The following SHISA6 variants were observed in gnomAD, a reference collection of about 807,000 sequenced individuals.
SHISA6 encodes the protein protein shisa-6.
Under a neutral mutation model 47.9 loss-of-function variants are expected in SHISA6, and 22 were observed. The ratio of observed to expected loss-of-function variants is 0.46; its 90% confidence interval spans 0.33 to 0.66. The LOEUF is 0.66. Ranked by LOEUF, SHISA6 falls within the 30% of genes least tolerant of loss-of-function variation. The probability of loss-of-function intolerance (pLI) is 0.02; values close to 1 mark genes in which losing one functional copy is unlikely to be tolerated. For missense variants in SHISA6, 680 were observed against 764.6 expected (o/e 0.89, Z 1.30); for synonymous variants, 388 against 337.8 (o/e 1.15, Z -1.63).
chr17:11,536,023 G>T lies in SHISA6; in HGVS notation c.896-15873G>T, dbSNP rs185909187. On this transcript the variant is annotated intron_variant, in intron 3 of 5. Coordinates refer to ENST00000441885, the MANE Select transcript of SHISA6 (RefSeq NM_207386.4). ...ACAGATAGATAGATAGATATATATA[G>T]AGAGAGAAAGTGAGACAGAGTCTTT... Among the ~76,000 whole-genome samples the T allele has an allele frequency of 7.2e-3, 1,091 of 151,850 alleles. 3 individuals carry two copies. The highest frequency in any genetic ancestry group is 0.018 in the South Asian group (88 of 4,794).
chr17:11,456,569 A>G (rs1279139153), intron 3 of SHISA6, among the ~76,000 whole-genome samples: 2 of 152,144 alleles, frequency 1.3e-5, no homozygotes, highest in African/African-American at 4.8e-5. Context: ...GTTTTCACAC[A>G]TTTTGTTTTG....
chr17:11,396,770 A>G (rs945247108), intron 3 of SHISA6, among the ~76,000 whole-genome samples: 8 of 152,222 alleles, frequency 5.3e-5, no homozygotes, highest in African/African-American at 1.9e-4. Context: ...AAGGGAGAGC[A>G]TTAGGACAAA....
At chr17:11,323,346 A>C (rs1223393082) in intron 2 of SHISA6, among the ~76,000 whole-genome samples, 1 of 152,120 alleles carries the variant, frequency 6.6e-6, no homozygotes, top group Non-Finnish European at 1.5e-5. Context: ...CCTCATAACA[A>C]TCAAATACAT....
At chr17:11,301,736 A>T (rs542374955) in intron 2 of SHISA6, among the ~76,000 whole-genome samples, 1 of 152,326 alleles carries the variant, frequency 6.6e-6, no homozygotes, top group East Asian at 1.9e-4. Context: ...GCCGGTAGAA[A>T]GGATGGGAAT....
At chr17:11,263,673 TC>T in intron 2 of SHISA6, 147 bp downstream of exon 2, 2 of 1,025,958 alleles carry the variant, frequency 1.9e-6, no homozygotes, top group South Asian at 3.2e-5. Flanking sequence ...TTTTTGGGAC[TC>T]TCTCCCTGGG....
intron 3 of SHISA6, among the ~76,000 whole-genome samples, chr17:11,491,985 G>A (rs992827511): frequency 2.0e-5 from 3 of 152,030 alleles, no homozygotes; most frequent in Admixed American, 2.0e-4. Flanking sequence ...TGGTCAGGAT[G>A]GTCTCGATCT....
chr17:11,535,231 C>G (rs557860442), intron 3 of SHISA6, among the ~76,000 whole-genome samples: 1 of 152,264 alleles, frequency 6.6e-6, no homozygotes, highest in East Asian at 1.9e-4. Context: ...CATGTCCATA[C>G]GGCCAGGAGT....
intron 3 of SHISA6, among the ~76,000 whole-genome samples, chr17:11,423,004 A>C (rs1914491906): frequency 1.3e-5 from 2 of 151,202 alleles, no homozygotes; most frequent in African/African-American, 4.9e-5. Context: ...CCAGGAAAAA[A>C]AAAACAGAGG....
At chr17:11,322,053 T>C (rs1002694197) in intron 2 of SHISA6, among the ~76,000 whole-genome samples, 8 of 152,190 alleles carry the variant, frequency 5.3e-5, no homozygotes, top group Non-Finnish European at 1.0e-4. Context: ...TTGTGGTTGC[T>C]CTAGGGATTA....
chr17:11,411,555 T>A (rs1276702536), intron 3 of SHISA6, among the ~76,000 whole-genome samples: 1 of 151,930 alleles, frequency 6.6e-6, no homozygotes, highest in Non-Finnish European at 1.5e-5. Context: ...TGCCACCACA[T>A]CCAGCTAATT....
intron 1 of SHISA6, among the ~76,000 whole-genome samples, chr17:11,260,646 C>T (rs563293367): frequency 2.6e-4 from 39 of 152,118 alleles, no homozygotes; most frequent in African/African-American, 8.0e-4. Context: ...GCCTCCTCTC[C>T]TCTCTCTGTC....
At chr17:11,340,155 C>T (rs565753129) in intron 2 of SHISA6, among the ~76,000 whole-genome samples, 95 of 152,274 alleles carry the variant, frequency 6.2e-4, no homozygotes, top group African/African-American at 2.3e-3. Flanking sequence ...TAAGCTTGAG[C>T]ACCAATGAAC....
intron 1 of SHISA6, among the ~76,000 whole-genome samples, chr17:11,250,679 G>A (rs1907767412): frequency 6.6e-6 from 1 of 152,192 alleles, no homozygotes; most frequent in Admixed American, 6.5e-5. Flanking sequence ...CTCTGGTCCT[G>A]ATGACCCTCT....
chr17:11,546,942 AAAAC>A (rs1479880509), intron 3 of SHISA6, among the ~76,000 whole-genome samples: 3 of 152,256 alleles, frequency 2.0e-5, no homozygotes, highest in Non-Finnish European at 2.9e-5. Flanking sequence ...AAAAAAAAGA[AAAAC>A]AAAGGACAGA....
chr17:11,414,596 A>G (rs1914226184), intron 3 of SHISA6, among the ~76,000 whole-genome samples: 1 of 152,138 alleles, frequency 6.6e-6, no homozygotes, highest in Non-Finnish European at 1.5e-5. Flanking sequence ...TCAAAAACAC[A>G]CTCTGTGATA....
intron 3 of SHISA6, among the ~76,000 whole-genome samples, chr17:11,398,328 T>C (rs1326397653): frequency 6.6e-6 from 1 of 152,214 alleles, no homozygotes; most frequent in Admixed American, 6.5e-5. Context: ...GTGATGATGA[T>C]GATGAGGAAG....
intron 3 of SHISA6, among the ~76,000 whole-genome samples, chr17:11,503,695 T>C (rs370486929): frequency 1.3e-5 from 2 of 152,240 alleles, no homozygotes; most frequent in East Asian, 3.8e-4. Context: ...TTGTATATTG[T>C]TGTCGTCAAA....
intron 2 of SHISA6, among the ~76,000 whole-genome samples, chr17:11,310,359 G>T (rs2142185732): frequency 6.6e-6 from 1 of 152,216 alleles, no homozygotes; most frequent in East Asian, 1.9e-4. Context: ...TTCACATAAT[G>T]GCAAACTGTA....
intron 3 of SHISA6, among the ~76,000 whole-genome samples, chr17:11,447,219 G>A (rs533364316): frequency 6.6e-6 from 1 of 152,206 alleles, no homozygotes; most frequent in African/African-American, 2.4e-5. Flanking sequence ...AGAGTAACCT[G>A]CAGTCTTCAC....
Sources: allele counts gnomAD v4.1 joint callset (sites outside exome capture counted in the v4.1 genomes callset), GRCh38; gene constraint gnomAD v4.1.1; transcripts MANE v1.5; gene names NCBI Gene and HGNC (gene_info 2026-07-23, HGNC 2026-07-21).